Variants in TMC1 observed in about 807,000 individuals in gnomAD.
TMC1 encodes transmembrane channel-like protein 1.
Under a neutral mutation model 105.8 loss-of-function variants are expected in TMC1, and 84 were observed. That is an observed-to-expected ratio of 0.79 (90% confidence interval 0.67 to 0.95). The LOEUF is 0.95. Among genes scored for constraint, TMC1 ranks in the 40% least tolerant of loss-of-function variants. The pLI, the probability that TMC1 is intolerant of heterozygous loss-of-function variation, is 0.00. For missense variants in TMC1, 817 were observed against 914.1 expected, an observed-to-expected ratio of 0.89 and a Z score of 1.37; for synonymous variants, 315 against 311.5, an observed-to-expected ratio of 1.01 and a Z score of -0.12.
chr9:72,767,052 G>T (rs768040476), intron 12 of TMC1, among the ~76,000 whole-genome samples: 13 of 152,188 alleles, frequency 8.5e-5, no homozygotes, highest in African/African-American at 3.1e-4. Flanking sequence ...CCTGTGTTGC[G>T]TCCTACTCCA....
intron 2 of TMC1, among the ~76,000 whole-genome samples, chr9:72,597,240 A>G (rs1824735325): frequency 6.6e-6 from 1 of 152,222 alleles, no homozygotes; most frequent in Non-Finnish European, 1.5e-5. Context: ...TTCTTCACTC[A>G]CAGAAAGAAA....
At chr9:72,810,506 T>C (rs1481397331) in intron 18 of TMC1, among the ~76,000 whole-genome samples, 1 of 152,224 alleles carries the variant, frequency 6.6e-6, no homozygotes, top group Non-Finnish European at 1.5e-5. Flanking sequence ...TGAGATTAAT[T>C]ATTTGGATTG....
chr9:72,656,246 A>C (rs1039951830), intron 5 of TMC1: 2 of 438,758 alleles, frequency 4.6e-6, no homozygotes, highest in African/African-American at 2.0e-5. Flanking sequence ...AACAGTGGTG[A>C]GTCAGGAGCA....
chr9:72,806,040 A>T (rs541670001), intron 18 of TMC1, among the ~76,000 whole-genome samples: 4 of 151,040 alleles, frequency 2.6e-5, no homozygotes, highest in African/African-American at 9.8e-5. Flanking sequence ...ATCCGGGCCC[A>T]TTCTCAATGA....
intron 10 of TMC1, among the ~76,000 whole-genome samples, chr9:72,750,848 C>T (rs1009622290): frequency 8.5e-5 from 13 of 152,200 alleles, no homozygotes; most frequent in South Asian, 4.1e-4. Flanking sequence ...TGTACTCCAA[C>T]TGCACAGGCC....
intron 15 of TMC1, 24 bp from the exon 16 acceptor site, chr9:72,791,862 T>A (rs768952016): frequency 7.5e-6 from 12 of 1,604,712 alleles, no homozygotes; most frequent in Non-Finnish European, 1.0e-5. Context: ...ATTAACCTAG[T>A]TTCTCCCTTG....
intron 8 of TMC1, among the ~76,000 whole-genome samples, chr9:72,727,049 G>C (rs1265232508): frequency 1.3e-5 from 2 of 152,174 alleles, no homozygotes; most frequent in Non-Finnish European, 2.9e-5. Flanking sequence ...GCAAAGAGCT[G>C]AATGCTAGTA....
intron 12 of TMC1, among the ~76,000 whole-genome samples, chr9:72,766,107 A>C (rs1301888761): frequency 6.6e-6 from 1 of 152,134 alleles, no homozygotes; most frequent in Non-Finnish European, 1.5e-5. Flanking sequence ...AATACATGAG[A>C]TTATGTGTGT....
At chr9:72,587,948 G>A (rs969944909) in intron 2 of TMC1, among the ~76,000 whole-genome samples, 3 of 151,750 alleles carry the variant, frequency 2.0e-5, no homozygotes, top group African/African-American at 7.3e-5. Flanking sequence ...CCCATGCCTG[G>A]CTAAGGTTTT....
intron 18 of TMC1, among the ~76,000 whole-genome samples, chr9:72,809,451 C>T (rs747895494): frequency 1.3e-5 from 2 of 152,126 alleles, no homozygotes; most frequent in African/African-American, 2.4e-5. Flanking sequence ...TGATGGATGA[C>T]GAATCTTTGA....
At chr9:72,765,363 A>C (rs1464124954) in intron 12 of TMC1, among the ~76,000 whole-genome samples, 1 of 152,062 alleles carries the variant, frequency 6.6e-6, no homozygotes. Context: ...TGCTGAGAGA[A>C]AGGAAGGGGC....
chr9:72,806,392 C>CG (rs977107848), intron 18 of TMC1, among the ~76,000 whole-genome samples: 3 of 141,128 alleles, frequency 2.1e-5, no homozygotes, highest in African/African-American at 5.3e-5. Context: ...GCTGGCCGGG[C>CG]GGGGGGCTGA....
chr9:72,677,057 C>T (rs1425116160), intron 5 of TMC1, among the ~76,000 whole-genome samples: 1 of 151,754 alleles, frequency 6.6e-6, no homozygotes, highest in Non-Finnish European at 1.5e-5. Context: ...TTGTACTTGA[C>T]TGCTTTCATC....
chr9:72,685,100 C>CTTTTTTTTTTTTTT lies in TMC1; in HGVS notation c.17-3598_17-3585dup, dbSNP rs71359515. Among the ~76,000 whole-genome samples, 6 of 91,044 alleles carry CTTTTTTTTTTTTTT rather than the reference C, an allele frequency of 6.6e-5. 1 individual carries two copies. The highest frequency in any genetic ancestry group is 2.8e-4 in the African/African-American group (6 of 21,116). The allele number at this position is 91,044 out of a possible 152,430, so 59.7% of individuals were successfully genotyped here. A position where few individuals can be genotyped will look rare whatever the true frequency, so the allele number is the denominator to read the frequency against. ...CAAACCTTACTGTTATAAAGTCATT[C>CTTTTTTTTTTTTTT]TTTTTTTTTTTTTTTTTTTTTTTTG... On this transcript the variant is annotated intron_variant, in intron 5 of 23. Coordinates refer to ENST00000297784, the MANE Select transcript of TMC1 (RefSeq NM_138691.3).
chr9:72,751,911 T>C lies in TMC1; in HGVS notation c.597T>C (p.Asn199=). ...TCTTGAGATGGATGTATGGAGTCAATATGGTTCTCTTTATCCTGACATTTA... is the reference window on the plus strand; with the variant it reads ...TCTTGAGATGGATGTATGGAGTCAACATGGTTCTCTTTATCCTGACATTTA... ...FLFLRWMYGV[N]MVLFILTFSL... The change falls in exon 11 of 24, where the codon AAT becomes AAC. Residue 199 remains asparagine, a synonymous_variant. Transcript: ENST00000297784. 2 of 1,613,692 alleles carry C rather than the reference T, an allele frequency of 1.2e-6. No homozygotes were observed. The highest frequency in any genetic ancestry group is 8.5e-7 in the Non-Finnish European group (1 of 1,179,706).
intron 17 of TMC1, among the ~76,000 whole-genome samples, chr9:72,803,595 A>C: frequency 6.6e-6 from 1 of 152,246 alleles, no homozygotes; most frequent in East Asian, 1.9e-4. Context: ...CACTTCTCAA[A>C]GAAGAGATTC....
intron 1 of TMC1, among the ~76,000 whole-genome samples, chr9:72,555,280 C>T (rs1017059456): frequency 1.7e-4 from 26 of 151,490 alleles, no homozygotes; most frequent in African/African-American, 6.3e-4. Flanking sequence ...ACAGCAACCT[C>T]CATCTCCCGG....
intron 13 of TMC1, among the ~76,000 whole-genome samples, chr9:72,777,664 T>C (rs1240507343): frequency 6.6e-6 from 1 of 152,222 alleles, no homozygotes; most frequent in Non-Finnish European, 1.5e-5. Flanking sequence ...GAATTGCATC[T>C]AGATTTTAAA....
intron 5 of TMC1, among the ~76,000 whole-genome samples, chr9:72,656,878 G>A (rs1351628102): frequency 6.6e-6 from 1 of 152,104 alleles, no homozygotes; most frequent in African/African-American, 2.4e-5. Flanking sequence ...TTCAGAGCAG[G>A]GCTACTTTGA....
Sources: gnomAD v4.1 joint callset for allele counts (sites outside exome capture counted in the v4.1 genomes callset) on GRCh38, gnomAD v4.1.1 for gene constraint, MANE v1.5 for transcripts, NCBI Gene and HGNC (gene_info 2026-07-23, HGNC 2026-07-21) for gene names.